Variants in SGCZ observed in about 807,000 individuals in gnomAD.
SGCZ encodes the protein sarcoglycan zeta, also known as zeta-sarcoglycan.
In SGCZ, 40 loss-of-function variants were observed where a neutral mutation model predicts 41.3. The ratio of observed to expected loss-of-function variants is 0.97; its 90% confidence interval spans 0.75 to 1.26. The LOEUF is 1.26. Ranked by LOEUF, SGCZ falls within the 50% of genes most tolerant of loss-of-function variation. The pLI, the probability that SGCZ is intolerant of heterozygous loss-of-function variation, is 0.00. For synonymous variants in SGCZ, 206 were observed against 137.5 expected, an observed-to-expected ratio of 1.50 and a Z score of -3.49; for missense variants, 552 against 369.8, an observed-to-expected ratio of 1.49 and a Z score of -4.04.
chr8:14,878,107 G>A lies in SGCZ; in HGVS notation c.40-323181C>T, dbSNP rs1022469247. ...ATTGCAGTTCCCTCTTTATTTGAGG[G>A]TAGATGAGAAAGAACTTTAAGCACT... On this transcript the variant is annotated intron_variant, in intron 1 of 7. Coordinates refer to ENST00000382080, the MANE Select transcript of SGCZ (RefSeq NM_139167.4). Among the ~76,000 whole-genome samples the A allele has an allele frequency of 8.5e-5, 13 of 152,062 alleles. No homozygotes were observed. The East Asian group carries it at 1.9e-3, about 23-fold the overall frequency.
At chr8:14,349,924 G>C (rs973112068) in intron 2 of SGCZ, among the ~76,000 whole-genome samples, 1 of 152,074 alleles carries the variant, frequency 6.6e-6, no homozygotes, top group Non-Finnish European at 1.5e-5. Flanking sequence ...CAGGAAAGTC[G>C]TGTAGCTTTA....
At chr8:14,713,811 A>C (rs556346418) in intron 1 of SGCZ, among the ~76,000 whole-genome samples, 9 of 152,128 alleles carry the variant, frequency 5.9e-5, no homozygotes, top group Non-Finnish European at 1.0e-4. Context: ...TTTTAAGTGT[A>C]ATTTTTGGGA....
intron 4 of SGCZ, among the ~76,000 whole-genome samples, chr8:14,171,471 G>T (rs1250696646): frequency 6.6e-6 from 1 of 151,830 alleles, no homozygotes; most frequent in Non-Finnish European, 1.5e-5. Flanking sequence ...TATTCAACTG[G>T]TAGTATAATC....
At chr8:14,753,705 C>G (rs955462002) in intron 1 of SGCZ, among the ~76,000 whole-genome samples, 3 of 152,114 alleles carry the variant, frequency 2.0e-5, no homozygotes, top group Non-Finnish European at 4.4e-5. Flanking sequence ...TGACTTTCTT[C>G]TCATGATACA....
At chr8:15,073,220 A>G (rs1443697192) in intron 1 of SGCZ, among the ~76,000 whole-genome samples, 1 of 152,176 alleles carries the variant, frequency 6.6e-6, no homozygotes, top group Non-Finnish European at 1.5e-5. Context: ...TTTCACTCAG[A>G]GAAGTGATCT....
intron 2 of SGCZ, among the ~76,000 whole-genome samples, chr8:14,373,198 G>A (rs540831480): frequency 6.6e-6 from 1 of 152,284 alleles, no homozygotes; most frequent in African/African-American, 2.4e-5. Flanking sequence ...AAGAAAGAGT[G>A]GGGTGGCTCC....
chr8:14,770,856 G>T (rs1264565329), intron 1 of SGCZ, among the ~76,000 whole-genome samples: 1 of 151,990 alleles, frequency 6.6e-6, no homozygotes, highest in Non-Finnish European at 1.5e-5. Context: ...TGTATCCAGG[G>T]AATCAAGGCA....
chr8:14,662,408 G>A (rs930488506), intron 1 of SGCZ, among the ~76,000 whole-genome samples: 1 of 152,134 alleles, frequency 6.6e-6, no homozygotes, highest in African/African-American at 2.4e-5. Context: ...AGGAAAAAGG[G>A]AGATAAAGCA....
At chr8:14,123,391 G>GT (rs1802759017) in intron 5 of SGCZ, among the ~76,000 whole-genome samples, 2 of 152,184 alleles carry the variant, frequency 1.3e-5, no homozygotes, top group African/African-American at 4.8e-5. Flanking sequence ...ATGAAGTGAT[G>GT]TTAAACAATT....
At chr8:14,223,055 C>A (rs1406054786) in intron 4 of SGCZ, among the ~76,000 whole-genome samples, 1 of 152,030 alleles carries the variant, frequency 6.6e-6, no homozygotes, top group African/African-American at 2.4e-5. Flanking sequence ...CATGATCCAC[C>A]TACCTCGGCC....
chr8:14,551,047 T>C lies in SGCZ; in HGVS notation c.234+3685A>G, dbSNP rs113692683. Among the ~76,000 whole-genome samples, 366 of 151,908 alleles carry C rather than the reference T, an allele frequency of 2.4e-3. 2 individuals carry two copies. The highest frequency in any genetic ancestry group is 8.4e-3 in the African/African-American group (348 of 41,478). On this transcript the variant is annotated intron_variant, in intron 2 of 7. Coordinates refer to ENST00000382080, the MANE Select transcript of SGCZ (RefSeq NM_139167.4). ...CCCAGGTCTGGGTATTCTTGACTTC[T>C]CTTTAACTCACAGCATTAATGAATT...
At chr8:15,218,228 A>G (rs904550651) in intron 1 of SGCZ, among the ~76,000 whole-genome samples, 2 of 152,140 alleles carry the variant, frequency 1.3e-5, no homozygotes, top group Non-Finnish European at 2.9e-5. Context: ...AAGAATCAAC[A>G]TTTCTGAAAG....
At chr8:14,403,576 T>C (rs563240250) in intron 2 of SGCZ, among the ~76,000 whole-genome samples, 4 of 152,290 alleles carry the variant, frequency 2.6e-5, no homozygotes, top group East Asian at 1.9e-4. Flanking sequence ...GCTCTGTTTA[T>C]ATGCTGGATT....
intron 1 of SGCZ, among the ~76,000 whole-genome samples, chr8:15,030,886 A>G (rs1463684518): frequency 6.6e-6 from 1 of 152,196 alleles, no homozygotes; most frequent in Non-Finnish European, 1.5e-5. Context: ...CTTAAAAGAA[A>G]CTAGGAAACA....
chr8:14,287,617 A>T (rs1001946761), intron 3 of SGCZ, among the ~76,000 whole-genome samples: 14 of 152,258 alleles, frequency 9.2e-5, no homozygotes, highest in Non-Finnish European at 1.8e-4. Context: ...AGTACTAATG[A>T]GATAAGAACT....
At chr8:14,127,583 G>T (rs1230470090) in intron 5 of SGCZ, among the ~76,000 whole-genome samples, 2 of 151,900 alleles carry the variant, frequency 1.3e-5, no homozygotes, top group African/African-American at 4.8e-5. Flanking sequence ...AGCCTCCCGA[G>T]TAGCTGGGAC....
At chr8:14,873,869 T>G (rs1237527335) in intron 1 of SGCZ, among the ~76,000 whole-genome samples, 5 of 152,192 alleles carry the variant, frequency 3.3e-5, no homozygotes, top group Admixed American at 3.3e-4. Flanking sequence ...TTTCTCTAAA[T>G]TATTTGGCAA....
chr8:14,969,529 A>C (rs1005729211), intron 1 of SGCZ, among the ~76,000 whole-genome samples: 6 of 151,938 alleles, frequency 3.9e-5, no homozygotes, highest in African/African-American at 1.4e-4. Context: ...TTCTTGCCCC[A>C]GTCCCCAAGC....
At chr8:14,643,706 A>C (rs534807726) in intron 1 of SGCZ, among the ~76,000 whole-genome samples, 12 of 151,898 alleles carry the variant, frequency 7.9e-5, no homozygotes, top group African/African-American at 2.9e-4. Context: ...CTGAAAAATC[A>C]AAGCTTGGAA....
Sources: allele counts gnomAD v4.1 joint callset (sites outside exome capture counted in the v4.1 genomes callset), GRCh38; gene constraint gnomAD v4.1.1; transcripts MANE v1.5; gene names NCBI Gene and HGNC (gene_info 2026-07-23, HGNC 2026-07-21).